Variants in TCF20 observed in about 807,000 individuals in gnomAD.
TCF20 encodes SPRE-binding protein.
Under a neutral mutation model 148.6 loss-of-function variants are expected in TCF20, and 3 were observed. That is an observed-to-expected ratio of 0.02 (90% CI 0.01 to 0.05). The LOEUF (loss-of-function observed/expected upper bound fraction) is 0.05. TCF20 is among the 10% of genes least tolerant of loss of function. The pLI, the probability that TCF20 is intolerant of heterozygous loss-of-function variation, is 1.00. For missense variants in TCF20, 2,350 were observed against 2,429.3 expected (o/e 0.97, Z 0.69); for synonymous variants, 1,049 against 909.5 (o/e 1.15, Z -2.76).
At chr22:42,273,135 G>GT (rs1273909969), upstream of TCF20, among the ~76,000 whole-genome samples, 3 of 152,080 alleles carry the variant, frequency 2.0e-5, no homozygotes, top group East Asian at 5.8e-4. Flanking sequence ...CAAGGGGGGT[G>GT]TATCACCTGA....
intron 1 of TCF20, among the ~76,000 whole-genome samples, chr22:42,241,990 C>T (rs887343601): frequency 1.5e-4 from 23 of 151,854 alleles, no homozygotes; most frequent in African/African-American, 5.6e-4. Context: ...ATCAGGAAGT[C>T]AGGAGATCGA....
intron 1 of TCF20, among the ~76,000 whole-genome samples, chr22:42,221,258 T>C (rs575827472): frequency 6.5e-4 from 99 of 152,304 alleles, no homozygotes; most frequent in African/African-American, 2.3e-3. Context: ...ACTATGACAC[T>C]TCAGTATGAA....
intron 1 of TCF20, among the ~76,000 whole-genome samples, chr22:42,235,728 A>G (rs1300232100): frequency 6.6e-6 from 1 of 152,136 alleles, no homozygotes; most frequent in East Asian, 1.9e-4. Context: ...TATTTAACCC[A>G]TATGTCTCAC....
intron 3 of TCF20, among the ~76,000 whole-genome samples, chr22:42,172,657 A>G (rs1170837114): frequency 1.3e-5 from 2 of 152,240 alleles, no homozygotes; most frequent in African/African-American, 4.8e-5. Flanking sequence ...GTGAAGCTTC[A>G]GATACCCACA....
chr22:42,209,539 A>G, intron 2 of TCF20, 112 bp downstream of exon 2: 1 of 1,233,808 alleles, frequency 8.1e-7, no homozygotes, highest in East Asian at 2.3e-5. Context: ...ACATGGGCAT[A>G]GGCACTTTAA....
chr22:42,225,390 G>T (rs559107137), intron 1 of TCF20, among the ~76,000 whole-genome samples: 8 of 151,404 alleles, frequency 5.3e-5, no homozygotes, highest in Non-Finnish European at 1.5e-5. Context: ...CGAGGCGGGT[G>T]GATCATGAGG....
intron 1 of TCF20, among the ~76,000 whole-genome samples, chr22:42,340,148 T>C (rs1392516747): frequency 1.3e-5 from 2 of 152,078 alleles, no homozygotes; most frequent in African/African-American, 2.4e-5. Flanking sequence ...CTTAGAGCCG[T>C]CCAGACATTC....
At chr22:42,271,021 G>A (rs1012658435), upstream of TCF20, among the ~76,000 whole-genome samples, 2 of 152,090 alleles carry the variant, frequency 1.3e-5, no homozygotes, top group Non-Finnish European at 2.9e-5. Context: ...GTTCCCTGGA[G>A]CCTCCAACTC....
In TCF20 at chr22:42,292,127, C is replaced by CTTA. The variant is rs932528442; in HGVS notation, c.-37+51349_-37+51351dup. ...CACTCCCATTTCTTAGATAAAGAAA[C>CTTA]TTAGCACAGCACCCATAGGCCCTCC... is the stretch of plus-strand genomic sequence containing the variant. On this transcript the variant is annotated intron_variant, in intron 1 of 1. Coordinates refer to the TCF20 transcript ENST00000515426. The surrounding 1 kb of genome is among the most constrained non-coding windows in gnomAD (Gnocchi z 4.9). Among the ~76,000 whole-genome samples, 4 of 152,182 alleles carry CTTA rather than the reference C, an allele frequency of 2.6e-5. No homozygotes were observed. The highest frequency in any genetic ancestry group is 9.7e-5 in the African/African-American group (4 of 41,440).
At chr22:42,294,007 G>A (rs527431262) in intron 1 of TCF20, among the ~76,000 whole-genome samples, 5 of 152,298 alleles carry the variant, frequency 3.3e-5, no homozygotes, top group South Asian at 2.1e-4. Context: ...CTCAAAGAAC[G>A]CCCTCAGCTG....
intron 5 of TCF20, among the ~76,000 whole-genome samples, chr22:42,162,169 T>A (rs5996122): frequency 0.077 from 11,746 of 151,612 alleles, 1,520 homozygotes; most frequent in African/African-American, 0.27. Context: ...TTAGGAGAGA[T>A]GTGGTTTTGC....
chr22:42,207,908 G>A (rs1240480689), intron 2 of TCF20, among the ~76,000 whole-genome samples: 1 of 152,208 alleles, frequency 6.6e-6, no homozygotes, highest in Non-Finnish European at 1.5e-5. Flanking sequence ...TATAGTACAG[G>A]CCAAGTGTAG....
intron 1 of TCF20, among the ~76,000 whole-genome samples, chr22:42,296,709 C>A (rs559958984): frequency 6.6e-6 from 1 of 152,304 alleles, no homozygotes; most frequent in South Asian, 2.1e-4. Context: ...GCGACAGGGC[C>A]AAGTTTCTCC....
chr22:42,249,323 A>G lies in TCF20; in HGVS notation c.-37+21016T>C, dbSNP rs540283915. Among the ~76,000 whole-genome samples, 27 of 152,332 alleles carry G rather than the reference A, an allele frequency of 1.8e-4. No homozygotes were observed. The South Asian group carries it at 5.6e-3, about 32-fold the overall frequency. On this transcript the variant is annotated intron_variant, in intron 1 of 5. Transcript: ENST00000677622. ...TGGGACTTCTCAGCCACCATTAATC[A>G]TATGAGCCAATTCCCCTAATAAATT...
chr22:42,237,544 T>C (rs1384011029), intron 1 of TCF20, among the ~76,000 whole-genome samples: 1 of 152,246 alleles, frequency 6.6e-6, no homozygotes, highest in Admixed American at 6.5e-5. Context: ...ATGTTCTTAA[T>C]GGCATTTAGA....
chr22:42,201,606 A>G (rs990254281), intron 2 of TCF20, among the ~76,000 whole-genome samples: 2 of 152,094 alleles, frequency 1.3e-5, no homozygotes, highest in African/African-American at 4.8e-5. Context: ...CGTCTCTACT[A>G]AAAATACAAA....
In TCF20 at chr22:42,215,153, A is replaced by G; in HGVS notation, c.153T>C (p.Ser51=). The change falls in exon 2 of 6, where the codon AGT becomes AGC. Residue 51 remains serine, a synonymous_variant. Coordinates refer to ENST00000677622, the MANE Select transcript of TCF20 (RefSeq NM_001378418.1). ...GTCGTCCACCACCACTGCCACTGCC[A>G]CTGCTGCCACTACTGCCACCTGTAC... The part of the protein sequence containing the change: ...FGGTGGSSGS[S]GSGSGGGRRG... 1 of 1,613,214 alleles carries G rather than the reference A, an allele frequency of 6.2e-7. No homozygotes were observed. Among genetic ancestry groups the G allele is most frequent in the Non-Finnish European group, 8.5e-7 (1 of 1,179,372 alleles).
chr22:42,335,048 T>A (rs1313021310), intron 1 of TCF20, among the ~76,000 whole-genome samples: 4 of 152,072 alleles, frequency 2.6e-5, no homozygotes, highest in African/African-American at 7.2e-5. Flanking sequence ...TGACTTTCGT[T>A]CTGCATACGC....
intron 2 of TCF20, among the ~76,000 whole-genome samples, chr22:42,199,262 T>TAA (rs1188146464): frequency 6.6e-6 from 1 of 152,206 alleles, no homozygotes; most frequent in African/African-American, 2.4e-5. Context: ...GCACCTCATC[T>TAA]AAACCCTGTG....
Sources: allele counts gnomAD v4.1 joint callset (sites outside exome capture counted in the v4.1 genomes callset), GRCh38; gene constraint gnomAD v4.1.1; non-coding constraint Gnocchi (gnomAD v3.1); transcripts MANE v1.5; gene names NCBI Gene and HGNC (gene_info 2026-07-23, HGNC 2026-07-21).